COL4A3: variants seen among roughly 807,000 people sequenced by gnomAD.
COL4A3 encodes the protein collagen type IV alpha 3 chain.
Under a neutral mutation model 217.4 loss-of-function variants are expected in COL4A3, and 135 were observed. The ratio of observed to expected loss-of-function variants is 0.62; its 90% CI spans 0.54 to 0.72. COL4A3 has a LOEUF of 0.72. COL4A3 is among the 30% of genes least tolerant of loss of function. The pLI is 0.00. For missense variants in COL4A3, 1,868 were observed against 2,119.9 expected (o/e 0.88, Z 2.33); for synonymous variants, 690 against 736.3 (o/e 0.94, Z 1.02).
chr2:227,164,714 G>C lies in COL4A3; in HGVS notation c.-13G>C, dbSNP rs770803750. Reference sequence around the variant, plus strand: ...GTCCCCGGACTCGCCCAGGCTCTGAGCGCGCGCCCACCATGAGCGCCCGGA... The same window carrying C: ...GTCCCCGGACTCGCCCAGGCTCTGACCGCGCGCCCACCATGAGCGCCCGGA... On this transcript the variant is annotated 5_prime_UTR_variant, in exon 1 of 52. Coordinates refer to ENST00000396578, the MANE Select transcript of COL4A3 (RefSeq NM_000091.5). This position sits in a 1 kb window ranked among gnomAD's most constrained non-coding sequence, Gnocchi z 4.8. The C allele has an allele frequency of 1.4e-3, 2,066 of 1,529,732 alleles. 9 individuals are homozygous for C. Among genetic ancestry groups the C allele is most frequent in the Non-Finnish European group, 1.1e-3 (1,235 of 1,144,926 alleles). The allele number at this position is 1,529,732 out of a possible 1,614,324, so 94.8% of individuals were successfully genotyped here.
intron 1 of COL4A3, among the ~76,000 whole-genome samples, chr2:227,177,151 T>C (rs1459417698): frequency 7.5e-6 from 1 of 134,138 alleles, no homozygotes; most frequent in Non-Finnish European, 1.6e-5. Flanking sequence ...TCTTTCCTTT[T>C]TTTTTTTTTT....
intron 1 of COL4A3, among the ~76,000 whole-genome samples, chr2:227,206,080 A>AT (rs1005908871): frequency 2.3e-4 from 35 of 149,794 alleles, no homozygotes; most frequent in Non-Finnish European, 4.0e-4. Context: ...CCCCCAGGTG[A>AT]TTTTTTTTTT....
chr2:227,168,558 G>C (rs2065358937), intron 1 of COL4A3, among the ~76,000 whole-genome samples: 1 of 152,086 alleles, frequency 6.6e-6, no homozygotes, highest in African/African-American at 2.4e-5. Context: ...AAAGTGTATA[G>C]CAAATATTTT....
chr2:227,203,344 TATATATGTGTATATATAC>T (rs1382153938), intron 1 of COL4A3, among the ~76,000 whole-genome samples: 1 of 53,652 alleles, frequency 1.9e-5, no homozygotes, highest in Non-Finnish European at 3.6e-5. Context: ...CATATATGTG[TATATATGTGTATATATAC>T]ATATATGTGT....
At chr2:227,275,169 C>CTGTTGTTGTTGTTGTTGTTGTTGT (rs200536643) in intron 26 of COL4A3, among the ~76,000 whole-genome samples, 1 of 151,144 alleles carries the variant, frequency 6.6e-6, no homozygotes, top group African/African-American at 2.4e-5. Context: ...ACCAAATGCT[C>CTGTTGTTGTTGTTGTTGTTGTTGT]TGTTGTTGTT....
intron 1 of COL4A3, among the ~76,000 whole-genome samples, chr2:227,213,914 A>AAAAAAAAGAAAAAG (rs2067425351): frequency 6.8e-6 from 1 of 146,170 alleles, no homozygotes; most frequent in African/African-American, 2.6e-5. Context: ...AAAAAAAAAA[A>AAAAAAAAGAAAAAG]AAAAAGAAAA....
Position 227,312,597 on chromosome 2 carries a change from C to A in COL4A3, c.*727C>A, listed in dbSNP as rs777394285. Reference sequence around the variant, plus strand: ...TGTAGCTCTAAAATCTGCTTGTATTCCAAGCATATAAAATTTTCCCCCTTA... The same window carrying A: ...TGTAGCTCTAAAATCTGCTTGTATTACAAGCATATAAAATTTTCCCCCTTA... On this transcript the variant is annotated 3_prime_UTR_variant, in exon 52 of 52. Coordinates refer to ENST00000396578, the MANE Select transcript of COL4A3 (RefSeq NM_000091.5). 3 of 152,366 alleles carry A rather than the reference C, an allele frequency of 2.0e-5. No individual in the cohort carries two copies. Among genetic ancestry groups the A allele is most frequent in the Non-Finnish European group, 2.9e-5 (2 of 68,012 alleles). The allele number at this position is 152,366 out of a possible 1,614,324, so 9.4% of individuals were successfully genotyped here.
intron 1 of COL4A3, among the ~76,000 whole-genome samples, chr2:227,195,540 A>T (rs911802954): frequency 1.3e-5 from 2 of 152,166 alleles, no homozygotes; most frequent in Admixed American, 1.3e-4. Context: ...CAGTTGTATA[A>T]AAGTCTAGCA....
At chr2:227,205,899 T>C (rs980003487) in intron 1 of COL4A3, among the ~76,000 whole-genome samples, 5 of 152,216 alleles carry the variant, frequency 3.3e-5, no homozygotes, top group Non-Finnish European at 5.9e-5. Context: ...GGCAAGTTGA[T>C]GCATTGTATC....
Position 227,302,917 on chromosome 2 carries a change from T to C in COL4A3, c.3883-121T>C, listed in dbSNP as rs1004937694. The C allele has an allele frequency of 5.7e-6, 4 of 698,858 alleles. No homozygotes were observed. In the African/African-American group the frequency reaches 7.1e-5, roughly 12 times the overall value. The allele number at this position is 698,858 out of a possible 1,614,324, so 43.3% of individuals were successfully genotyped here. A position where few individuals can be genotyped will look rare whatever the true frequency, so the allele number is the denominator to read the frequency against. On this transcript the variant is annotated intron_variant, in intron 43 of 51. Coordinates refer to ENST00000396578, the MANE Select transcript of COL4A3 (RefSeq NM_000091.5). ...ATTGAAAGATAAAAATGATGTCTGC[T>C]AACTTCAGCTTATTCTCACCCAACA...
chr2:227,179,197 G>A (rs533718119), intron 1 of COL4A3, among the ~76,000 whole-genome samples: 14 of 150,958 alleles, frequency 9.3e-5, no homozygotes, highest in African/African-American at 2.9e-4. Context: ...GTGATAGGCC[G>A]GCCTCAGCCT....
intron 43 of COL4A3, among the ~76,000 whole-genome samples, chr2:227,300,563 A>C (rs2073236046): frequency 6.6e-6 from 1 of 152,164 alleles, no homozygotes; most frequent in Admixed American, 6.5e-5. Context: ...GTTTACATCA[A>C]ATCCTTGGAG....
intron 1 of COL4A3, among the ~76,000 whole-genome samples, chr2:227,231,390 C>T (rs58880322): frequency 0.32 from 48,656 of 151,814 alleles, 8,229 homozygotes; most frequent in Non-Finnish European, 0.36. Context: ...TTTGTGGCCA[C>T]ATAGTAGGTA....
chr2:227,307,724 G>C lies in COL4A3; in HGVS notation c.4267G>C (p.Asp1423His). 6.2e-7 allele frequency: 1 copy of C among 1,614,108 alleles called. No individual in the cohort carries two copies. The highest frequency in any genetic ancestry group is 8.5e-7 in the Non-Finnish European group (1 of 1,180,002). The change falls in exon 48 of 52, where the codon GAT becomes CAT. Residue 1423 changes from aspartate (D) to histidine (H), a missense_variant. Transcript: ENST00000396578. ...GTTTTTTGAAGGACCAGCTGGATCA[G>C]ATGGATTGCCAGGTTTGAAAGGAAA... is the stretch of plus-strand genomic sequence containing the variant. ...SKGEPGPAGSDGLPGLKGKRG... is the reference protein window; with the variant it reads ...SKGEPGPAGSHGLPGLKGKRG...
intron 1 of COL4A3, among the ~76,000 whole-genome samples, chr2:227,214,732 G>A (rs948144234): frequency 1.3e-5 from 2 of 152,294 alleles, no homozygotes; most frequent in South Asian, 4.1e-4. Context: ...ATTTGTGTGT[G>A]GAGAACTTGA....
intron 3 of COL4A3, 60 bp from the exon 4 acceptor site, chr2:227,244,260 G>T: frequency 6.9e-7 from 1 of 1,458,232 alleles, no homozygotes; most frequent in Middle Eastern, 1.7e-4. Flanking sequence ...TGATGTATGG[G>T]TTTCTTAGTG....
rs766516030 is a variant in COL4A3, at chr2:227,298,862, T to C, written c.3882+50T>C. Reference sequence around the variant, plus strand: ...TCATTATTAATTCAATATCAACTTATAATTATTCTTATATTGTATATTATA... The same window carrying C: ...TCATTATTAATTCAATATCAACTTACAATTATTCTTATATTGTATATTATA... On this transcript the variant is annotated intron_variant, in intron 43 of 51. Transcript: ENST00000396578. 8 of 1,490,066 alleles carry C rather than the reference T, an allele frequency of 5.4e-6. No individual in the cohort carries two copies. The South Asian group carries it at 5.9e-5, about 11-fold the overall frequency. The allele number at this position is 1,490,066 out of a possible 1,614,324, so 92.3% of individuals were successfully genotyped here.
At chr2:227,171,500 C>T (rs1204530643) in intron 1 of COL4A3, among the ~76,000 whole-genome samples, 1 of 151,812 alleles carries the variant, frequency 6.6e-6, no homozygotes, top group African/African-American at 2.4e-5. Context: ...TATGATGGAA[C>T]AAAATCCACA....
At chr2:227,307,995 C>G (rs2073583619) in intron 48 of COL4A3, 76 bp downstream of exon 48, 1 of 1,316,452 alleles carries the variant, frequency 7.6e-7, no homozygotes, top group East Asian at 2.3e-5. Context: ...AGGATGCTTC[C>G]CTCTGAAGTT....
Sources: gnomAD v4.1 joint callset for allele counts (sites outside exome capture counted in the v4.1 genomes callset) on GRCh38, gnomAD v4.1.1 for gene constraint, Gnocchi (gnomAD v3.1) non-coding constraint, MANE v1.5 for transcripts, NCBI Gene and HGNC (gene_info 2026-07-23, HGNC 2026-07-21) for gene names.